Variants in KIAA1217 observed in about 807,000 individuals in gnomAD.
KIAA1217 encodes the protein KIAA1217.
A neutral mutation model predicts 163.9 loss-of-function variants in KIAA1217; 88 were observed. That is an observed-to-expected ratio of 0.54 (90% confidence interval 0.45 to 0.64). The LOEUF is 0.64. Ranked by LOEUF, KIAA1217 falls within the 30% of genes least tolerant of loss-of-function variation. The pLI, the probability that KIAA1217 is intolerant of heterozygous loss-of-function variation, is 0.00. For missense variants in KIAA1217, 2,372 were observed against 2,475.0 expected, an observed-to-expected ratio of 0.96 and a Z score of 0.88; for synonymous variants, 903 against 923.1, an observed-to-expected ratio of 0.98 and a Z score of 0.39.
intron 5 of KIAA1217, among the ~76,000 whole-genome samples, chr10:24,455,071 T>A (rs983227667): frequency 6.6e-6 from 1 of 152,220 alleles, no homozygotes; most frequent in African/African-American, 2.4e-5. Flanking sequence ...ATAATTATGT[T>A]AATCTGACCA....
intron 5 of KIAA1217, among the ~76,000 whole-genome samples, chr10:24,444,709 C>T (rs2060780122): frequency 6.6e-6 from 1 of 152,172 alleles, no homozygotes; most frequent in African/African-American, 2.4e-5. Context: ...CTGTTCTCAT[C>T]ACCAGAAATA....
chr10:23,989,870 G>T (rs568289187), intron 1 of KIAA1217, among the ~76,000 whole-genome samples: 164 of 152,238 alleles, frequency 1.1e-3, no homozygotes, highest in Admixed American at 3.7e-3. Flanking sequence ...ACTGCACATT[G>T]CTTCATCTTT....
At chr10:24,459,660 C>T (rs935850972) in intron 5 of KIAA1217, among the ~76,000 whole-genome samples, 1 of 152,024 alleles carries the variant, frequency 6.6e-6, no homozygotes, top group Non-Finnish European at 1.5e-5. Context: ...TGATGGTTGA[C>T]GCTTGTAATC....
chr10:24,330,625 T>A (rs1378595008), intron 2 of KIAA1217, among the ~76,000 whole-genome samples: 1 of 152,118 alleles, frequency 6.6e-6, no homozygotes, highest in Non-Finnish European at 1.5e-5. Flanking sequence ...AGGGGCATTT[T>A]TTATTTTTGA....
intron 2 of KIAA1217, among the ~76,000 whole-genome samples, chr10:24,109,649 G>A (rs1036993644): frequency 6.6e-6 from 1 of 152,128 alleles, no homozygotes. Context: ...GGAAAAAAGT[G>A]CTTGAAAGTG....
intron 2 of KIAA1217, among the ~76,000 whole-genome samples, chr10:24,012,245 C>T: frequency 6.6e-6 from 1 of 152,012 alleles, no homozygotes; most frequent in East Asian, 1.9e-4. Context: ...TTTTAAACTC[C>T]CATTGAAATG....
At chr10:24,174,463 C>T (rs1042977596) in intron 2 of KIAA1217, among the ~76,000 whole-genome samples, 1 of 152,168 alleles carries the variant, frequency 6.6e-6, no homozygotes, top group Non-Finnish European at 1.5e-5. Flanking sequence ...TACCTTGAAA[C>T]CCCATTTCCT....
At chr10:23,915,242 C>T (rs977497621) in intron 1 of KIAA1217, among the ~76,000 whole-genome samples, 4 of 151,932 alleles carry the variant, frequency 2.6e-5, no homozygotes, top group Non-Finnish European at 5.9e-5. Context: ...AAGAAGAGGT[C>T]CTTGGATTTA....
At position 24,085,693 on chromosome 10, in the gene KIAA1217, G is replaced by A. The variant is rs566552922; in HGVS notation, c.-171+78319G>A. ...GTTAAAAAAAAAAAAGTGCTGGCTG[G>A]GAGGCATGGTAGCTCACGCCTATGG... On this transcript the variant is annotated intron_variant, in intron 2 of 18. Transcript: ENST00000376462. 3.6e-4 allele frequency among the ~76,000 whole-genome samples: 55 copies of A among 152,140 alleles called. No homozygotes were observed. The South Asian group carries it at 9.3e-3, about 26-fold the overall frequency.
intron 1 of KIAA1217, among the ~76,000 whole-genome samples, chr10:23,830,886 A>G (rs767690763): frequency 1.3e-5 from 2 of 152,062 alleles, no homozygotes; most frequent in Non-Finnish European, 2.9e-5. Flanking sequence ...CAGAAAAAGT[A>G]CAAAACAGAT....
chr10:24,177,976 G>T (rs1283999574), intron 2 of KIAA1217, among the ~76,000 whole-genome samples: 2 of 152,184 alleles, frequency 1.3e-5, no homozygotes, highest in South Asian at 4.1e-4. Context: ...ACCAGGTCTG[G>T]TGCTTTTCCT....
upstream of KIAA1217, among the ~76,000 whole-genome samples, chr10:24,208,278 T>C (rs937351270): frequency 2.2e-4 from 33 of 152,032 alleles, no homozygotes; most frequent in African/African-American, 7.5e-4. Context: ...AAGAAATGCA[T>C]TTTCACTGTC....
intron 2 of KIAA1217, among the ~76,000 whole-genome samples, chr10:24,295,996 C>A (rs1366877889): frequency 6.6e-6 from 1 of 152,148 alleles, no homozygotes; most frequent in African/African-American, 2.4e-5. Context: ...TGCCTTAGTA[C>A]TTAAAATGTC....
At chr10:24,502,567 C>T (rs141874885) in intron 9 of KIAA1217, among the ~76,000 whole-genome samples, 70 of 152,222 alleles carry the variant, frequency 4.6e-4, no homozygotes, top group African/African-American at 1.6e-3. Context: ...TGCATGAGAC[C>T]ACATATTTGC....
intron 2 of KIAA1217, among the ~76,000 whole-genome samples, chr10:24,316,533 C>A (rs117442356): frequency 0.017 from 2,629 of 152,232 alleles, 48 homozygotes; most frequent in East Asian, 0.086. Flanking sequence ...TCCCCAGTGA[C>A]CCATGTCCAC....
chr10:23,965,887 C>G (rs561381698), intron 1 of KIAA1217, among the ~76,000 whole-genome samples: 2 of 152,210 alleles, frequency 1.3e-5, no homozygotes, highest in East Asian at 3.9e-4. Context: ...AAAATGCCCA[C>G]TAACTTTCAG....
At chr10:23,960,441 G>A (rs1481741954) in intron 1 of KIAA1217, among the ~76,000 whole-genome samples, 1 of 152,010 alleles carries the variant, frequency 6.6e-6, no homozygotes, top group Non-Finnish European at 1.5e-5. Flanking sequence ...ATTTTTAGTA[G>A]AGACGGGTTT....
chr10:23,848,346 T>A (rs1238926047), intron 1 of KIAA1217, among the ~76,000 whole-genome samples: 1 of 151,928 alleles, frequency 6.6e-6, no homozygotes, highest in Non-Finnish European at 1.5e-5. Context: ...TGTGTGGGAG[T>A]CTAAGTCTCT....
At chr10:23,765,256 G>C (rs1164285141) in intron 1 of KIAA1217, among the ~76,000 whole-genome samples, 1 of 135,050 alleles carries the variant, frequency 7.4e-6, no homozygotes, top group African/African-American at 2.8e-5. Context: ...GTGCAGTGGC[G>C]CGATCTCCGC....
Sources: allele counts gnomAD v4.1 joint callset (sites outside exome capture counted in the v4.1 genomes callset), GRCh38; gene constraint gnomAD v4.1.1; transcripts MANE v1.5; gene names NCBI Gene and HGNC (gene_info 2026-07-23, HGNC 2026-07-21).